Variants in GRM7 observed in about 807,000 individuals in gnomAD.
GRM7 encodes glutamate metabotropic receptor 7.
GRM7 carries 35 observed loss-of-function variants against 84.5 expected under a neutral mutation model. The ratio of observed to expected loss-of-function variants is 0.41; its 90% confidence interval spans 0.32 to 0.55. The LOEUF is 0.55. Ranked by LOEUF, GRM7 falls within the 20% of genes least tolerant of loss-of-function variation. The pLI is 0.19. For missense variants in GRM7, 1,003 were observed against 1,194.6 expected, an observed-to-expected ratio of 0.84 and a Z score of 2.36; for synonymous variants, 487 against 455.1, an observed-to-expected ratio of 1.07 and a Z score of -0.89.
intron 7 of GRM7, among the ~76,000 whole-genome samples, chr3:7,470,325 A>C (rs1293532843): frequency 6.6e-6 from 1 of 152,268 alleles, no homozygotes; most frequent in Non-Finnish European, 1.5e-5. Context: ...ATAATATGTA[A>C]TAATACTTTC....
intron 7 of GRM7, among the ~76,000 whole-genome samples, chr3:7,549,622 A>T (rs545429912): frequency 6.6e-6 from 1 of 152,238 alleles, no homozygotes; most frequent in South Asian, 2.1e-4. Context: ...GGAAGAAAAA[A>T]CTTCTCCCCG....
In GRM7 at chr3:7,109,376, T is replaced by A. The variant is rs189580780; in HGVS notation, c.520-37076T>A. Among the ~76,000 whole-genome samples, 148 of 152,292 alleles carry A rather than the reference T, an allele frequency of 9.7e-4. 1 individual carries two copies. The highest frequency in any genetic ancestry group is 2.6e-4 in the Non-Finnish European group (18 of 68,010). On this transcript the variant is annotated intron_variant, in intron 1 of 9. Coordinates refer to ENST00000357716, the MANE Select transcript of GRM7 (RefSeq NM_000844.4). ...AATGTTTCTATAAGACTATAGCTTT[T>A]ACCAAACTCTGCGTCAACTCTGACA...
At chr3:7,698,286 A>G (rs887712710) in intron 9 of GRM7, among the ~76,000 whole-genome samples, 3 of 152,118 alleles carry the variant, frequency 2.0e-5, no homozygotes, top group South Asian at 2.1e-4. Context: ...ATAAAGTGGC[A>G]GCAGCAGTGG....
At chr3:6,948,684 G>C (rs1300749671) in intron 1 of GRM7, among the ~76,000 whole-genome samples, 6 of 152,104 alleles carry the variant, frequency 3.9e-5, no homozygotes, top group Admixed American at 3.9e-4. Context: ...TATTGTGTGG[G>C]TGTCTAAGTC....
intron 2 of GRM7, among the ~76,000 whole-genome samples, chr3:7,158,957 T>C (rs1475209608): frequency 6.6e-6 from 1 of 152,166 alleles, no homozygotes; most frequent in African/African-American, 2.4e-5. Flanking sequence ...AGGTTTCAGA[T>C]TGCAATAGTA....
intron 8 of GRM7, among the ~76,000 whole-genome samples, chr3:7,652,644 A>C (rs963029645): frequency 6.6e-6 from 1 of 152,156 alleles, no homozygotes; most frequent in African/African-American, 2.4e-5. Flanking sequence ...TTTGCACCCC[A>C]TGGCTCTTTT....
At chr3:7,674,531 T>C (rs912207708) in intron 8 of GRM7, among the ~76,000 whole-genome samples, 1 of 152,246 alleles carries the variant, frequency 6.6e-6, no homozygotes, top group Non-Finnish European at 1.5e-5. Flanking sequence ...AATTGTATAA[T>C]ATGTATACAT....
At chr3:7,640,843 T>G (rs1698333233) in intron 8 of GRM7, among the ~76,000 whole-genome samples, 1 of 152,168 alleles carries the variant, frequency 6.6e-6, no homozygotes, top group Admixed American at 6.6e-5. Flanking sequence ...GAAGTCAAGA[T>G]GATATAATGC....
chr3:7,506,484 T>A (rs1485519360), intron 7 of GRM7, among the ~76,000 whole-genome samples: 1 of 152,218 alleles, frequency 6.6e-6, no homozygotes, highest in Non-Finnish European at 1.5e-5. Flanking sequence ...TCCACATTAC[T>A]AGGTATTTGT....
At chr3:7,042,041 G>A (rs1696641492) in intron 1 of GRM7, among the ~76,000 whole-genome samples, 1 of 152,180 alleles carries the variant, frequency 6.6e-6, no homozygotes, top group Non-Finnish European at 1.5e-5. Context: ...GAACATGGAA[G>A]CTTCCCTACC....
intron 2 of GRM7, among the ~76,000 whole-genome samples, chr3:7,225,003 G>A (rs1696937032): frequency 6.6e-6 from 1 of 152,034 alleles, no homozygotes; most frequent in African/African-American, 2.4e-5. Flanking sequence ...AGTTTTTACA[G>A]CTCTAGTTTT....
intron 2 of GRM7, among the ~76,000 whole-genome samples, chr3:7,162,599 C>T (rs9873898): frequency 0.22 from 32,981 of 151,492 alleles, 3,903 homozygotes; most frequent in Middle Eastern, 0.32. Flanking sequence ...AGTGAATAGA[C>T]AATTTAATAG....
intron 1 of GRM7, among the ~76,000 whole-genome samples, chr3:7,035,900 C>G (rs994618450): frequency 1.3e-5 from 2 of 152,204 alleles, no homozygotes; most frequent in South Asian, 2.1e-4. Context: ...GGTATTTTAT[C>G]TTTGCTAACC....
chr3:7,692,971 T>G (rs976861024), intron 9 of GRM7, among the ~76,000 whole-genome samples: 2 of 151,652 alleles, frequency 1.3e-5, no homozygotes, highest in African/African-American at 4.9e-5. Flanking sequence ...GCATCTTTCT[T>G]TCTTTCTTTT....
chr3:7,687,708 A>G (rs1194958026), intron 9 of GRM7, among the ~76,000 whole-genome samples: 1 of 152,092 alleles, frequency 6.6e-6, no homozygotes, highest in Non-Finnish European at 1.5e-5. Context: ...TTATCAGATC[A>G]CTGTTCTGGT....
At chr3:7,236,496 C>T (rs1697354172) in intron 2 of GRM7, among the ~76,000 whole-genome samples, 1 of 152,082 alleles carries the variant, frequency 6.6e-6, no homozygotes, top group African/African-American at 2.4e-5. Flanking sequence ...GAAGTTTTTC[C>T]CTAGTGTGTG....
intron 4 of GRM7, among the ~76,000 whole-genome samples, chr3:7,377,693 AG>A (rs1694410859): frequency 6.6e-6 from 1 of 152,202 alleles, no homozygotes; most frequent in African/African-American, 2.4e-5. Flanking sequence ...AGTCCCTGCA[AG>A]ACATGAACTA....
At chr3:6,919,185 GTATTTTATTTTAT>G (rs1337653374) in intron 1 of GRM7, among the ~76,000 whole-genome samples, 5 of 151,748 alleles carry the variant, frequency 3.3e-5, no homozygotes, top group African/African-American at 1.2e-4. Flanking sequence ...TAAAATAAAT[GTATTTTATTTTAT>G]TATTTTATTT....
intron 2 of GRM7, among the ~76,000 whole-genome samples, chr3:7,154,447 C>A (rs1260884333): frequency 2.0e-5 from 3 of 152,144 alleles, no homozygotes; most frequent in Non-Finnish European, 4.4e-5. Context: ...TCAGCGATTC[C>A]TCCTCATCTC....
Sources: allele counts gnomAD v4.1 joint callset (sites outside exome capture counted in the v4.1 genomes callset), GRCh38; gene constraint gnomAD v4.1.1; transcripts MANE v1.5; gene names NCBI Gene and HGNC (gene_info 2026-07-23, HGNC 2026-07-21).